Variants in LDLRAD3 observed in about 807,000 individuals in gnomAD.
LDLRAD3 encodes low-density lipoprotein receptor class A domain-containing protein 3.
Under a neutral mutation model 29.4 loss-of-function variants are expected in LDLRAD3, and 20 were observed. That is an observed-to-expected ratio of 0.68 (90% CI 0.48 to 0.99). The LOEUF (loss-of-function observed/expected upper bound fraction) is 0.99. Among genes scored for constraint, LDLRAD3 ranks in the 50% least tolerant of loss-of-function variants. The pLI, the probability that LDLRAD3 is intolerant of heterozygous loss-of-function variation, is 0.00. For missense variants in LDLRAD3, 420 were observed against 454.3 expected (o/e 0.92, Z 0.69); for synonymous variants, 157 against 192.7 (o/e 0.81, Z 1.53).
rs1184689356 is a variant in LDLRAD3 at position 36,213,279 on chromosome 11, A to AG, written c.455-13805dup. On this transcript the variant is annotated intron_variant, in intron 4 of 5. Transcript: ENST00000315571. The surrounding 1 kb of genome is among the most constrained non-coding windows in gnomAD (Gnocchi z 4.1). ...TGCTGTGGCCGGTCTGAGGTTGCGC[A>AG]GCTCCAGTTTTCCCATCACCCTCTT... Among the ~76,000 whole-genome samples the AG allele has an allele frequency of 6.6e-6, 1 of 152,234 alleles. No homozygotes were observed. The highest frequency in any genetic ancestry group is 1.9e-4 in the East Asian group (1 of 5,188).
At chr11:36,062,433 A>G (rs1361309989) in intron 2 of LDLRAD3, among the ~76,000 whole-genome samples, 2 of 152,192 alleles carry the variant, frequency 1.3e-5, no homozygotes, top group Admixed American at 6.5e-5. Flanking sequence ...ACAGAAAGCC[A>G]ATCACTGACA....
chr11:36,149,121 C>G (rs1854238050), intron 4 of LDLRAD3, among the ~76,000 whole-genome samples: 1 of 152,192 alleles, frequency 6.6e-6, no homozygotes, highest in Non-Finnish European at 1.5e-5. Flanking sequence ...ATGATGAGTT[C>G]TGTTGAGTAC....
At chr11:35,977,277 C>T (rs1281233021) in intron 1 of LDLRAD3, among the ~76,000 whole-genome samples, 1 of 152,154 alleles carries the variant, frequency 6.6e-6, no homozygotes, top group Non-Finnish European at 1.5e-5. Flanking sequence ...AGGATGGGCT[C>T]CGTCTTCTTA....
intron 2 of LDLRAD3, among the ~76,000 whole-genome samples, chr11:36,075,116 T>C (rs1001746913): frequency 6.6e-6 from 1 of 152,118 alleles, no homozygotes; most frequent in African/African-American, 2.4e-5. Context: ...GTACCGAGAA[T>C]GCCTGTGTGA....
chr11:36,196,497 TC>T (rs1182863138), intron 4 of LDLRAD3: 1 of 152,220 alleles, frequency 6.6e-6, no homozygotes, highest in Non-Finnish European at 1.5e-5. Flanking sequence ...CATACGCTAA[TC>T]CTGAAACAAT....
chr11:35,959,581 T>C (rs1851250510), intron 1 of LDLRAD3, among the ~76,000 whole-genome samples: 1 of 152,138 alleles, frequency 6.6e-6, no homozygotes, highest in East Asian at 1.9e-4. Context: ...TCATATAGAT[T>C]TATCAGATTT....
intron 4 of LDLRAD3, among the ~76,000 whole-genome samples, chr11:36,175,912 C>A (rs1003275234): frequency 6.6e-6 from 1 of 152,048 alleles, no homozygotes; most frequent in African/African-American, 2.4e-5. Flanking sequence ...GTATTGAAGT[C>A]CCCCACTATT....
In LDLRAD3 at chr11:36,036,218, C is replaced by G. The variant is rs1381081292; in HGVS notation, c.162C>G (p.Asp54Glu). The G allele has an allele frequency of 1.2e-6, 2 of 1,614,094 alleles. No individual in the cohort carries two copies. Among genetic ancestry groups the G allele is most frequent in the Admixed American group, 1.7e-5 (1 of 60,012 alleles). Reference protein sequence around the residue: ...PGAWQCDGLPDCFDKSDEKEC... With the variant: ...PGAWQCDGLPECFDKSDEKEC... ...CCTGGCAGTGTGACGGGCTGCCTGA[C>G]TGCTTCGACAAGAGTGATGAGAAGG... is the stretch of plus-strand genomic sequence containing the variant. The change falls in exon 2 of 6, where the codon GAC (aspartate) becomes GAG (glutamate). Residue 54 changes from aspartate (D) to glutamate (E), a missense_variant. Physicochemically the swap from Asp to Glu is conservative, Grantham distance 45 (BLOSUM62 2). Coordinates refer to ENST00000315571, the MANE Select transcript of LDLRAD3 (RefSeq NM_174902.4).
At chr11:36,099,443 A>G (rs1354977231) in intron 4 of LDLRAD3, among the ~76,000 whole-genome samples, 1 of 152,174 alleles carries the variant, frequency 6.6e-6, no homozygotes, top group African/African-American at 2.4e-5. Context: ...ATTTTCACTT[A>G]GTATTATATT....
At chr11:36,182,155 AG>A (rs1854774376) in intron 4 of LDLRAD3, among the ~76,000 whole-genome samples, 1 of 152,188 alleles carries the variant, frequency 6.6e-6, no homozygotes, top group African/African-American at 2.4e-5. Context: ...CATTGAAGTG[AG>A]GAGAATGAAG....
rs145568891 is a variant in LDLRAD3, at chr11:35,983,674, A to G, written c.46+39530A>G. Among the ~76,000 whole-genome samples, 324 of 152,334 alleles carry G rather than the reference A, an allele frequency of 2.1e-3. 9 individuals carry two copies. The East Asian group carries it at 0.04, about 19-fold the overall frequency. On this transcript the variant is annotated intron_variant, in intron 1 of 5. Coordinates refer to ENST00000315571, the MANE Select transcript of LDLRAD3 (RefSeq NM_174902.4). ...TAGACAGAGTCTTGCTCTGTCACCC[A>G]GGCTGGAGTGTAGTGGTGCGATCTC...
intron 2 of LDLRAD3, among the ~76,000 whole-genome samples, chr11:36,077,543 C>T (rs1384630714): frequency 6.6e-6 from 1 of 152,220 alleles, no homozygotes; most frequent in Non-Finnish European, 1.5e-5. Flanking sequence ...GCGTGGAGTT[C>T]AGCCACTGCA....
intron 4 of LDLRAD3, among the ~76,000 whole-genome samples, chr11:36,112,618 C>A (rs893817886): frequency 1.3e-5 from 2 of 152,140 alleles, no homozygotes; most frequent in Non-Finnish European, 2.9e-5. Flanking sequence ...TATCAGCTGG[C>A]CAGCAGCAAA....
chr11:36,227,352 A>G lies in LDLRAD3; in HGVS notation c.722A>G (p.Tyr241Cys), dbSNP rs1178517646. 7.4e-6 allele frequency: 12 copies of G among 1,614,120 alleles called. No homozygotes were observed. Among genetic ancestry groups the G allele is most frequent in the South Asian group, 1.1e-5 (1 of 91,038 alleles). ...VTYNVNNGIQ[Y>C]VASQAEQNAS... ...TACAACGTCAATAATGGCATCCAGT[A>G]TGTGGCCAGCCAGGCGGAGCAGAAT... is the stretch of plus-strand genomic sequence containing the variant. The change falls in exon 5 of 6, where the codon TAT becomes TGT. Residue 241 changes from tyrosine to cysteine, a missense_variant. Transcript: ENST00000315571.
At chr11:36,043,706 T>C (rs187586885) in intron 2 of LDLRAD3, among the ~76,000 whole-genome samples, 1 of 152,262 alleles carries the variant, frequency 6.6e-6, no homozygotes, top group African/African-American at 2.4e-5. Flanking sequence ...GTGCCAAGGA[T>C]TGGCTTTCTC....
chr11:35,960,449 T>G (rs1364781192), intron 1 of LDLRAD3, among the ~76,000 whole-genome samples: 1 of 152,186 alleles, frequency 6.6e-6, no homozygotes, highest in Non-Finnish European at 1.5e-5. Flanking sequence ...ATTGCCAACT[T>G]CTCTATAAAA....
In LDLRAD3 at chr11:36,198,812, A is replaced by G. The variant is rs181712687; in HGVS notation, c.455-28273A>G. On this transcript the variant is annotated intron_variant, in intron 4 of 5. Transcript: ENST00000315571. ...AACACTTCATTTAGGTTTGTGATCA[A>G]CATCAACATTTATGGGCTTATCTGG... is the stretch of plus-strand genomic sequence containing the variant. 8.5e-4 allele frequency among the ~76,000 whole-genome samples: 130 copies of G among 152,344 alleles called. 1 individual carries two copies. The highest frequency in any genetic ancestry group is 3.0e-3 in the African/African-American group (126 of 41,580).
rs200303509 is a variant in LDLRAD3 at position 36,227,331 on chromosome 11, A to G, written c.701A>G (p.Asn234Ser). 9.3e-6 allele frequency: 15 copies of G among 1,614,080 alleles called. No homozygotes were observed. Among genetic ancestry groups the G allele is most frequent in the Admixed American group, 1.7e-5 (1 of 60,016 alleles). Reference protein sequence around the residue: ...DHPHHCNVTYNVNNGIQYVAS... With the variant: ...DHPHHCNVTYSVNNGIQYVAS... ...CCCCACCACTGCAACGTCACCTACA[A>G]CGTCAATAATGGCATCCAGTATGTG... Residue 234 changes from asparagine (N) to serine (S), a missense_variant, in exon 5 of 6, where the codon AAC (asparagine) becomes AGC (serine). Asn to Ser is a conservative substitution (Grantham distance 46). Coordinates refer to ENST00000315571, the MANE Select transcript of LDLRAD3 (RefSeq NM_174902.4).
chr11:36,123,960 C>A (rs777965150), intron 4 of LDLRAD3, among the ~76,000 whole-genome samples: 5 of 152,258 alleles, frequency 3.3e-5, no homozygotes, highest in African/African-American at 4.8e-5. Context: ...CGAGTGAAGC[C>A]GGCAGCTGGA....
Sources: gnomAD v4.1 joint callset for allele counts (sites outside exome capture counted in the v4.1 genomes callset) on GRCh38, gnomAD v4.1.1 for gene constraint, Gnocchi (gnomAD v3.1) non-coding constraint, MANE v1.5 for transcripts, NCBI Gene and HGNC (gene_info 2026-07-23, HGNC 2026-07-21) for gene names.